BICDL1: variants seen among roughly 807,000 people sequenced by gnomAD.
BICDL1 encodes the protein BICD family like cargo adaptor 1.
A neutral mutation model predicts 76.8 loss-of-function variants in BICDL1; 20 were observed. The ratio of observed to expected loss-of-function variants is 0.26; its 90% confidence interval spans 0.18 to 0.38. BICDL1 has a LOEUF of 0.38. Ranked by LOEUF, BICDL1 falls within the 10% of genes least tolerant of loss-of-function variation. The probability of loss-of-function intolerance (pLI) is 1.00; values close to 1 mark genes in which losing one functional copy is unlikely to be tolerated. For synonymous variants in BICDL1, 383 were observed against 337.1 expected (o/e 1.14, Z -1.49); for missense variants, 700 against 798.6 (o/e 0.88, Z 1.49).
chr12:120,092,197 G>A (rs1339387017), intron 9 of BICDL1: 2 of 985,340 alleles, frequency 2.0e-6, no homozygotes, highest in Non-Finnish European at 2.4e-6. Context: ...TGGGAAGGGA[G>A]TGGAGCTGCC....
chr12:120,051,562 G>T (rs573130747), intron 2 of BICDL1, among the ~76,000 whole-genome samples: 42 of 151,436 alleles, frequency 2.8e-4, no homozygotes, highest in South Asian at 4.2e-4. Flanking sequence ...TTTGATCTTC[G>T]GATTGAAGGT....
intron 2 of BICDL1, among the ~76,000 whole-genome samples, chr12:120,017,541 G>A (rs956721545): frequency 8.5e-5 from 13 of 152,122 alleles, no homozygotes; most frequent in African/African-American, 3.1e-4. Context: ...AACAGCGTGG[G>A]CAACATAGCA....
chr12:120,081,743 AAC>A (rs1430674551), intron 8 of BICDL1, among the ~76,000 whole-genome samples: 2 of 151,448 alleles, frequency 1.3e-5, no homozygotes, highest in Non-Finnish European at 2.9e-5. Context: ...TTTTCAAGCA[AAC>A]ACAAAAATAG....
chr12:120,050,804 T>A (rs1952842842), intron 2 of BICDL1, among the ~76,000 whole-genome samples: 1 of 151,634 alleles, frequency 6.6e-6, no homozygotes, highest in Non-Finnish European at 1.5e-5. Flanking sequence ...CACGCACAGC[T>A]AATTTTTATT....
At chr12:120,053,846 T>C (rs1952915877) in intron 2 of BICDL1, among the ~76,000 whole-genome samples, 1 of 152,124 alleles carries the variant, frequency 6.6e-6, no homozygotes, top group Non-Finnish European at 1.5e-5. Flanking sequence ...CATAAATACA[T>C]GTATGTTTAT....
At chr12:120,003,771 C>G (rs572095935) in intron 2 of BICDL1, among the ~76,000 whole-genome samples, 1 of 152,204 alleles carries the variant, frequency 6.6e-6, no homozygotes, top group Non-Finnish European at 1.5e-5. Flanking sequence ...TCTCCATGGT[C>G]TGCAGGTTGG....
At position 119,990,181 on chromosome 12, in the gene BICDL1, CAGA is replaced by C. The variant is rs1488695331; in HGVS notation, c.316_318del (p.Lys106del). On this transcript the variant is annotated inframe_deletion, in exon 1 of 10. Transcript: ENST00000548673. ...CCCCGAGCTGCTGTCGGTGATCCGACAGAAGGAGAAGGATCTGGTGTTGGCGGC... is the reference window on the plus strand; with the variant it reads ...CCCCGAGCTGCTGTCGGTGATCCGACAGGAGAAGGATCTGGTGTTGGCGGC... The C allele has an allele frequency of 1.3e-6, 2 of 1,555,890 alleles. No homozygotes were observed. The highest frequency in any genetic ancestry group is 1.4e-5 in the African/African-American group (1 of 73,356).
chr12:119,999,321 T>C (rs968783106), intron 2 of BICDL1, among the ~76,000 whole-genome samples: 4 of 152,212 alleles, frequency 2.6e-5, no homozygotes, highest in Admixed American at 1.3e-4. Flanking sequence ...TAATGACTTC[T>C]GACGTTTTTA....
At chr12:120,046,962 T>C (rs1191537502) in intron 2 of BICDL1, among the ~76,000 whole-genome samples, 1 of 152,220 alleles carries the variant, frequency 6.6e-6, no homozygotes, top group African/African-American at 2.4e-5. Context: ...ACAAAAGCAG[T>C]ATTAACATTT....
intron 2 of BICDL1, among the ~76,000 whole-genome samples, chr12:120,039,020 G>A (rs963011804): frequency 6.6e-5 from 10 of 152,144 alleles, no homozygotes; most frequent in African/African-American, 1.2e-4. Flanking sequence ...AAACAAGGCC[G>A]GGCACGGTGA....
intron 2 of BICDL1, among the ~76,000 whole-genome samples, chr12:120,060,835 A>T (rs1594183631): frequency 6.6e-6 from 1 of 152,310 alleles, no homozygotes; most frequent in East Asian, 1.9e-4. Context: ...CAACATTATC[A>T]CCATCCCACC....
intron 2 of BICDL1, among the ~76,000 whole-genome samples, chr12:120,041,067 A>G (rs75983067): frequency 6.6e-6 from 1 of 152,334 alleles, no homozygotes; most frequent in African/African-American, 2.4e-5. Context: ...ACTTTTAAGA[A>G]AAAATCTTGC....
intron 3 of BICDL1, 94 bp downstream of exon 3, chr12:120,061,920 C>T: frequency 2.6e-6 from 2 of 770,958 alleles, no homozygotes; most frequent in South Asian, 1.5e-5. Flanking sequence ...AAAATCTCTA[C>T]AGAAAGACAT....
chr12:120,078,345 G>A (rs1489009100), intron 7 of BICDL1, among the ~76,000 whole-genome samples: 1 of 152,250 alleles, frequency 6.6e-6, no homozygotes, highest in Non-Finnish European at 1.5e-5. Flanking sequence ...CTCAAATGTT[G>A]TTGAACAAAA....
chr12:119,992,451 T>A (rs1951544119), intron 1 of BICDL1: 1 of 152,254 alleles, frequency 6.6e-6, no homozygotes, highest in East Asian at 1.9e-4. Flanking sequence ...CAGGCTGCAG[T>A]GGAGTGGCTG....
intron 7 of BICDL1, among the ~76,000 whole-genome samples, chr12:120,074,887 G>A (rs1382904626): frequency 6.6e-6 from 1 of 152,210 alleles, no homozygotes; most frequent in Non-Finnish European, 1.5e-5. Context: ...CAGCCCTCGG[G>A]CTACTTATGG....
At chr12:119,999,062 G>GAAAAAAAAAAAAAAA (rs10658480) in intron 2 of BICDL1, among the ~76,000 whole-genome samples, 1 of 95,250 alleles carries the variant, frequency 1.0e-5, no homozygotes, top group African/African-American at 3.9e-5. Flanking sequence ...GCCTGTCTCG[G>GAAAAAAAAAAAAAAA]AAAAAAAAAA....
In BICDL1 at chr12:119,989,825, G is replaced by T. The variant is rs759372723; in HGVS notation, c.-44G>T. The T allele has an allele frequency of 1.8e-5, 19 of 1,083,144 alleles. No individual in the cohort carries two copies. The Admixed American group carries it at 6.1e-4, about 35-fold the overall frequency. The allele number at this position is 1,083,144 out of a possible 1,614,324, so 67.1% of individuals were successfully genotyped here. A position where few individuals can be genotyped will look rare whatever the true frequency, so the allele number is the denominator to read the frequency against. Reference sequence around the variant, plus strand: ...GCCCCTCCCCCCTGCAGCCTGGCGCGCGCGGGCCGGGCCGCACCGCTGCGG... The same window carrying T: ...GCCCCTCCCCCCTGCAGCCTGGCGCTCGCGGGCCGGGCCGCACCGCTGCGG... On this transcript the variant is annotated 5_prime_UTR_variant, in exon 1 of 10. Transcript: ENST00000548673.
chr12:120,080,384 G>A lies in BICDL1; in HGVS notation c.1453-503G>A, dbSNP rs1873873444. The stretch of plus-strand genomic sequence containing the variant: ...GTGGCTTTCACCTGGGGAGCTGAAT[G>A]AGGAACTAAAGCGAGCTGGGCTGTG... On this transcript the variant is annotated intron_variant, in intron 7 of 9. Transcript: ENST00000548673. Among the ~76,000 whole-genome samples, 2 of 152,334 alleles carry A rather than the reference G, an allele frequency of 1.3e-5. 1 individual carries two copies. The highest frequency in any genetic ancestry group is 4.1e-4 in the South Asian group (2 of 4,820).
Sources: gnomAD v4.1 joint callset for allele counts (sites outside exome capture counted in the v4.1 genomes callset) on GRCh38, gnomAD v4.1.1 for gene constraint, MANE v1.5 for transcripts, NCBI Gene and HGNC (gene_info 2026-07-23, HGNC 2026-07-21) for gene names.